Variants in PARD3 observed in about 807,000 individuals in gnomAD.
PARD3 encodes par-3 family cell polarity regulator.
A neutral mutation model predicts 155.4 loss-of-function variants in PARD3; 75 were observed. That is an observed-to-expected ratio of 0.48 (90% CI 0.40 to 0.58). PARD3 has a LOEUF of 0.58. PARD3 is among the 20% of genes least tolerant of loss of function. The pLI is 0.00. For synonymous variants in PARD3, 576 were observed against 610.5 expected, an observed-to-expected ratio of 0.94 and a Z score of 0.83; for missense variants, 1,642 against 1,721.7, an observed-to-expected ratio of 0.95 and a Z score of 0.82.
chr10:34,308,164 G>A (rs994328835), intron 20 of PARD3, among the ~76,000 whole-genome samples: 1 of 151,606 alleles, frequency 6.6e-6, no homozygotes, highest in African/African-American at 2.4e-5. Context: ...AGGTCAAAGA[G>A]GCTGGGGTGG....
At chr10:34,119,825 G>A (rs968714278) in intron 23 of PARD3, 85 bp from the exon 24 acceptor site, 3 of 1,227,648 alleles carry the variant, frequency 2.4e-6, no homozygotes, top group Non-Finnish European at 3.3e-6. Context: ...CGATTCTTAT[G>A]AATTGACTTT....
intron 2 of PARD3, among the ~76,000 whole-genome samples, chr10:34,631,479 G>C (rs576026687): frequency 1.3e-5 from 2 of 152,280 alleles, no homozygotes; most frequent in Non-Finnish European, 2.9e-5. Flanking sequence ...GCTGGTAAAG[G>C]ACCTGACCCC....
chr10:34,512,078 A>C (rs950521366), intron 3 of PARD3, among the ~76,000 whole-genome samples: 1 of 152,248 alleles, frequency 6.6e-6, no homozygotes, highest in Non-Finnish European at 1.5e-5. Flanking sequence ...TTGGGGGGAC[A>C]CATTAAGAGC....
At chr10:34,617,629 G>A (rs2091347395) in intron 2 of PARD3, among the ~76,000 whole-genome samples, 2 of 152,154 alleles carry the variant, frequency 1.3e-5, no homozygotes, top group African/African-American at 2.4e-5. Flanking sequence ...AATGTTTAAA[G>A]TACATTTCAA....
intron 20 of PARD3, among the ~76,000 whole-genome samples, chr10:34,292,620 T>C (rs1434323494): frequency 6.6e-6 from 1 of 152,166 alleles, no homozygotes; most frequent in Non-Finnish European, 1.5e-5. Context: ...AGAATAATTA[T>C]TTGATTGTGT....
chr10:34,279,855 A>G (rs1318600006), intron 21 of PARD3, among the ~76,000 whole-genome samples: 1 of 152,220 alleles, frequency 6.6e-6, no homozygotes, highest in Admixed American at 6.5e-5. Context: ...AAAGTTTCAG[A>G]TCATCTGTTT....
chr10:34,342,992 C>T (rs1836998749), intron 15 of PARD3, among the ~76,000 whole-genome samples: 1 of 152,096 alleles, frequency 6.6e-6, no homozygotes. Context: ...AATACTTAGC[C>T]ATTTCCCTTA....
At chr10:34,695,959 G>A (rs2094163270) in intron 2 of PARD3, among the ~76,000 whole-genome samples, 1 of 152,212 alleles carries the variant, frequency 6.6e-6, no homozygotes, top group South Asian at 2.1e-4. Flanking sequence ...ATGGCTGCAT[G>A]TTGTATACAC....
In PARD3 at chr10:34,119,653, T is replaced by G; in HGVS notation, c.3628A>C (p.Ser1210Arg). The change falls in exon 24 of 25, where the codon AGC (serine) becomes CGC (arginine). Residue 1210 changes from serine to arginine, a missense_variant. By Grantham distance (110) the Ser-to-Arg change is moderately radical (BLOSUM62 -1). Around this residue, in one of 3 missense-constraint regions of PARD3, gnomAD observed 1,529 missense variants for 1,587.3 expected, o/e 0.96. Transcript: ENST00000374788. ...TACTGGCGCTGGGCCTGCTGGGAGC[T>G]CTCGCGCTCCTCCTGCCGCTGCCGC... is the stretch of plus-strand genomic sequence containing the variant. ...MQRQRQEERE[S>R]SQQAQRQYSS... 6.2e-7 allele frequency: 1 copy of G among 1,610,650 alleles called. No individual in the cohort carries two copies.
At chr10:34,646,233 T>C (rs952066520) in intron 2 of PARD3, among the ~76,000 whole-genome samples, 1 of 152,212 alleles carries the variant, frequency 6.6e-6, no homozygotes, top group Non-Finnish European at 1.5e-5. Flanking sequence ...TAAGCATTTT[T>C]TTGTAATCGT....
chr10:34,359,913 G>A (rs538237757), intron 13 of PARD3, among the ~76,000 whole-genome samples, 158 bp downstream of exon 13: 2 of 152,182 alleles, frequency 1.3e-5, no homozygotes, highest in Non-Finnish European at 2.9e-5. Context: ...CCATCCCCAC[G>A]TGACACATCA....
At chr10:34,642,168 C>T (rs531662534) in intron 2 of PARD3, among the ~76,000 whole-genome samples, 1 of 152,180 alleles carries the variant, frequency 6.6e-6, no homozygotes, top group South Asian at 2.1e-4. Flanking sequence ...CTCATGGCCC[C>T]CATGCACACA....
intron 5 of PARD3, among the ~76,000 whole-genome samples, chr10:34,441,049 T>C (rs2076436326): frequency 6.6e-6 from 1 of 152,146 alleles, no homozygotes; most frequent in Non-Finnish European, 1.5e-5. Flanking sequence ...AGGTTAAATT[T>C]TATTCTAATT....
chr10:34,593,302 T>C (rs1448731260), intron 2 of PARD3, among the ~76,000 whole-genome samples: 1 of 152,200 alleles, frequency 6.6e-6, no homozygotes, highest in Non-Finnish European at 1.5e-5. Context: ...CATGTCTACA[T>C]ATATATGCAT....
intron 2 of PARD3, among the ~76,000 whole-genome samples, chr10:34,684,690 G>A (rs567999471): frequency 6.6e-6 from 1 of 151,778 alleles, no homozygotes; most frequent in Non-Finnish European, 1.5e-5. Context: ...ACAGCCACCA[G>A]GGGGATATTT....
At chr10:34,606,097 G>T (rs2090395302) in intron 2 of PARD3, among the ~76,000 whole-genome samples, 1 of 135,042 alleles carries the variant, frequency 7.4e-6, no homozygotes, top group South Asian at 2.3e-4. Flanking sequence ...TATCCTATTA[G>T]TTCTTTATAT....
At chr10:34,750,358 A>G (rs911756524) in intron 1 of PARD3, among the ~76,000 whole-genome samples, 1 of 151,684 alleles carries the variant, frequency 6.6e-6, no homozygotes, top group Non-Finnish European at 1.5e-5. Context: ...AAAAGCAGAA[A>G]AGAGTGATTA....
intron 5 of PARD3, among the ~76,000 whole-genome samples, chr10:34,424,157 T>A (rs2075463571): frequency 6.6e-6 from 1 of 152,190 alleles, no homozygotes; most frequent in African/African-American, 2.4e-5. Flanking sequence ...CAGCTAAAAA[T>A]TGATGAACAC....
intron 5 of PARD3, among the ~76,000 whole-genome samples, chr10:34,432,041 C>CAAAAAAAAAAAAAAAAAA (rs142848273): frequency 7.9e-4 from 17 of 21,592 alleles, no homozygotes; most frequent in African/African-American, 1.3e-3. Flanking sequence ...GACTCTGTCT[C>CAAAAAAAAAAAAAAAAAA]AAAAAAAAAA....
Sources: gnomAD v4.1 joint callset for allele counts (sites outside exome capture counted in the v4.1 genomes callset) on GRCh38, gnomAD v4.1.1 for gene constraint, gnomAD v4.1.1 regional missense constraint, MANE v1.5 for transcripts, NCBI Gene and HGNC (gene_info 2026-07-23, HGNC 2026-07-21) for gene names.